The following ZDHHC2 variants were observed in gnomAD, a reference collection of about 807,000 sequenced individuals.
ZDHHC2 encodes palmitoyltransferase ZDHHC2.
In ZDHHC2, 51 loss-of-function variants were observed where a neutral mutation model predicts 55.6. The observed-to-expected ratio is 0.92, with a 90% confidence interval of 0.73 to 1.16. The LOEUF (loss-of-function observed/expected upper bound fraction) is 1.16. Ranked by LOEUF, ZDHHC2 falls within the 50% of genes most tolerant of loss-of-function variation. ZDHHC2 has a pLI of 0.00. For missense variants in ZDHHC2, 491 were observed against 442.4 expected (o/e 1.11, Z -0.99); for synonymous variants, 199 against 152.9 (o/e 1.30, Z -2.22).
rs1036258618 is a variant in ZDHHC2 at position 17,164,540 on chromosome 8, C to T, written c.130+7687C>T. On this transcript the variant is annotated intron_variant, in intron 1 of 12. Coordinates refer to ENST00000262096, the MANE Select transcript of ZDHHC2 (RefSeq NM_016353.5). ...GACCTTTTATTCACTAGCATTGCCACCCCAGAGGAACAGAGTGGTGCAGAG... is the reference window on the plus strand; with the variant it reads ...GACCTTTTATTCACTAGCATTGCCATCCCAGAGGAACAGAGTGGTGCAGAG... Among the ~76,000 whole-genome samples the T allele has an allele frequency of 3.3e-5, 5 of 151,962 alleles. No individual in the cohort carries two copies. The South Asian group carries it at 6.2e-4, about 19-fold the overall frequency.
At chr8:17,174,737 G>A (rs1191583149) in intron 1 of ZDHHC2, among the ~76,000 whole-genome samples, 1 of 107,286 alleles carries the variant, frequency 9.3e-6, no homozygotes, top group African/African-American at 3.7e-5. Flanking sequence ...TTGAGACATA[G>A]TCTGGCTTTG....
At chr8:17,166,281 G>C (rs772872884) in intron 1 of ZDHHC2, among the ~76,000 whole-genome samples, 1 of 152,206 alleles carries the variant, frequency 6.6e-6, no homozygotes, top group Non-Finnish European at 1.5e-5. Flanking sequence ...TATTTTTACA[G>C]TAGCGACAGC....
chr8:17,158,715 A>C (rs964949), intron 1 of ZDHHC2, among the ~76,000 whole-genome samples: 71,788 of 152,176 alleles, frequency 0.47, 19,381 homozygotes, highest in Middle Eastern at 0.67. Flanking sequence ...TAAGAGGAAG[A>C]ATGCCTCTTT....
intron 3 of ZDHHC2, 99 bp downstream of exon 3, chr8:17,186,524 G>A (rs1275804808): frequency 1.5e-6 from 1 of 673,596 alleles, no homozygotes; most frequent in Non-Finnish European, 2.3e-6. Context: ...CAAACTTATT[G>A]AGTTTAGTGA....
intron 1 of ZDHHC2, among the ~76,000 whole-genome samples, chr8:17,166,564 A>G (rs1804609363): frequency 6.6e-6 from 1 of 152,180 alleles, no homozygotes; most frequent in South Asian, 2.1e-4. Flanking sequence ...GGATTTAAAG[A>G]CTTGGCACTG....
At chr8:17,213,084 T>C (rs1369684609) in intron 10 of ZDHHC2, among the ~76,000 whole-genome samples, 1 of 152,170 alleles carries the variant, frequency 6.6e-6, no homozygotes, top group East Asian at 1.9e-4. Flanking sequence ...ATGTAGTGCC[T>C]TGTCCTTGCT....
intron 1 of ZDHHC2, among the ~76,000 whole-genome samples, chr8:17,182,864 C>A (rs1322359519): frequency 1.3e-5 from 2 of 152,168 alleles, no homozygotes; most frequent in Middle Eastern, 3.4e-3. Flanking sequence ...CGGGTTCAAG[C>A]GATTCTCCTG....
At chr8:17,178,668 C>T (rs1232475437) in intron 1 of ZDHHC2, among the ~76,000 whole-genome samples, 1 of 152,104 alleles carries the variant, frequency 6.6e-6, no homozygotes, top group Non-Finnish European at 1.5e-5. Context: ...TAAATGATTG[C>T]TTGGTAGTTC....
In ZDHHC2 at chr8:17,220,462, T is replaced by C. The variant is rs1160133092; in HGVS notation, c.*241T>C. On this transcript the variant is annotated 3_prime_UTR_variant, in exon 13 of 13. Coordinates refer to ENST00000262096, the MANE Select transcript of ZDHHC2 (RefSeq NM_016353.5). ...TATTAAATATTAAAAGTAGTTCTGG[T>C]TTATTAATCAACGGGGAAAACATCT... 1 of 152,166 alleles carries C rather than the reference T, an allele frequency of 6.6e-6. No individual in the cohort carries two copies. The highest frequency in any genetic ancestry group is 1.5e-5 in the Non-Finnish European group (1 of 68,020). The allele number at this position is 152,166 out of a possible 1,614,324, so 9.4% of individuals were successfully genotyped here. A position where few individuals can be genotyped will look rare whatever the true frequency, so the allele number is the denominator to read the frequency against.
intron 6 of ZDHHC2, among the ~76,000 whole-genome samples, chr8:17,204,638 A>C (rs142781399): frequency 6.6e-6 from 1 of 152,100 alleles, no homozygotes; most frequent in African/African-American, 2.4e-5. Context: ...GGAGGGAACA[A>C]CACACACTGG....
intron 7 of ZDHHC2, among the ~76,000 whole-genome samples, chr8:17,206,531 A>G (rs1807109273): frequency 6.6e-6 from 1 of 152,200 alleles, no homozygotes; most frequent in Non-Finnish European, 1.5e-5. Context: ...TGATGACTAT[A>G]TAAGATTTTT....
chr8:17,178,955 TCTC>T (rs1805293615), intron 1 of ZDHHC2, among the ~76,000 whole-genome samples: 1 of 152,166 alleles, frequency 6.6e-6, no homozygotes. Flanking sequence ...TCTGTTTCTT[TCTC>T]TCTTTTTTTT....
chr8:17,157,641 G>C (rs921118503), intron 1 of ZDHHC2: 1 of 152,150 alleles, frequency 6.6e-6, no homozygotes, highest in Non-Finnish European at 1.5e-5. Flanking sequence ...GCACAAGTAG[G>C]GAGTACAATG....
rs996052848 is a variant in ZDHHC2, at chr8:17,193,532, T to C, written c.253-1972T>C. 1.9e-4 allele frequency among the ~76,000 whole-genome samples: 29 copies of C among 152,306 alleles called. 1 individual carries two copies. Among genetic ancestry groups the C allele is most frequent in the African/African-American group, 7.0e-4 (29 of 41,578 alleles). The stretch of plus-strand genomic sequence containing the variant: ...CTCGCCCAAGGCCCATTATGTCCAC[T>C]GCCTGCCTCCCCCATCTGCGTTTGC... On this transcript the variant is annotated intron_variant, in intron 3 of 12. Coordinates refer to ENST00000262096, the MANE Select transcript of ZDHHC2 (RefSeq NM_016353.5).
chr8:17,203,371 C>A (rs1046413040), intron 6 of ZDHHC2, among the ~76,000 whole-genome samples: 1 of 152,154 alleles, frequency 6.6e-6, no homozygotes, highest in African/African-American at 2.4e-5. Context: ...GCTGGAACTA[C>A]AGCCATGTGC....
At chr8:17,159,399 G>A (rs1804218999) in intron 1 of ZDHHC2, among the ~76,000 whole-genome samples, 1 of 152,174 alleles carries the variant, frequency 6.6e-6, no homozygotes, top group Non-Finnish European at 1.5e-5. Flanking sequence ...AAGAAACAAG[G>A]TGATTTACCC....
chr8:17,196,793 C>T (rs991994413), intron 4 of ZDHHC2, among the ~76,000 whole-genome samples: 32 of 152,000 alleles, frequency 2.1e-4, no homozygotes, highest in African/African-American at 7.5e-4. Context: ...GTAGTCCCAG[C>T]TACTCAGCTC....
chr8:17,207,556 C>G (rs1807163461), intron 7 of ZDHHC2, among the ~76,000 whole-genome samples: 1 of 152,088 alleles, frequency 6.6e-6, no homozygotes, highest in Non-Finnish European at 1.5e-5. Flanking sequence ...CCTTCATTTT[C>G]TGGCATTATA....
intron 1 of ZDHHC2, among the ~76,000 whole-genome samples, chr8:17,173,117 G>A (rs1308324413): frequency 6.6e-6 from 1 of 152,148 alleles, no homozygotes; most frequent in East Asian, 1.9e-4. Context: ...CACAGACCAA[G>A]AACTGAGAGA....
Sources: allele counts gnomAD v4.1 joint callset (sites outside exome capture counted in the v4.1 genomes callset), GRCh38; gene constraint gnomAD v4.1.1; transcripts MANE v1.5; gene names NCBI Gene and HGNC (gene_info 2026-07-23, HGNC 2026-07-21).